SPOCK1: variants seen among roughly 807,000 people sequenced by gnomAD.
SPOCK1 encodes SPARC (osteonectin), cwcv and kazal like domains proteoglycan 1, also known as testican-1.
Under a neutral mutation model 55.3 loss-of-function variants are expected in SPOCK1, and 23 were observed. The observed-to-expected ratio is 0.42, with a 90% CI of 0.30 to 0.59. The LOEUF is 0.59. Among genes scored for constraint, SPOCK1 ranks in the 20% least tolerant of loss-of-function variants. The pLI, the probability that SPOCK1 is intolerant of heterozygous loss-of-function variation, is 0.22. For missense variants in SPOCK1, 499 were observed against 552.5 expected (o/e 0.90, Z 0.97); for synonymous variants, 226 against 221.0 (o/e 1.02, Z -0.20).
In SPOCK1 at chr5:136,978,826, G is replaced by A. The variant is rs1750669122; in HGVS notation, c.1148C>T (p.Ser383Leu). ...AVSCEEEQETSGDFGSGGSVV... is the reference protein window; with the variant it reads ...AVSCEEEQETLGDFGSGGSVV... ...GGACCCACCACTGCCAAAATCCCCT[G>A]AGGTTTCCTGCTCCTCTTCTGAAAG... Residue 383 changes from serine (S) to leucine (L), a missense_variant, in exon 11 of 11, where the codon TCA (serine) becomes TTA (leucine). Transcript: ENST00000394945. The A allele has an allele frequency of 5.0e-6, 8 of 1,611,232 alleles. No homozygotes were observed. Among genetic ancestry groups the A allele is most frequent in the South Asian group, 1.1e-5 (1 of 90,496 alleles).
chr5:137,252,912 G>A (rs1041845671), intron 3 of SPOCK1, among the ~76,000 whole-genome samples: 8 of 152,104 alleles, frequency 5.3e-5, no homozygotes, highest in Non-Finnish European at 7.3e-5. Flanking sequence ...GTAGGGACAC[G>A]CATAGGAACT....
intron 4 of SPOCK1, among the ~76,000 whole-genome samples, chr5:137,138,490 TACACACACAAACATACACAC>T (rs1754031089): frequency 1.1e-5 from 1 of 92,016 alleles, no homozygotes; most frequent in African/African-American, 3.9e-5. Flanking sequence ...CTCTCCATCT[TACACACACAAACATACACAC>T]ACACACACAC....
chr5:136,994,282 C>G (rs1751001732), intron 6 of SPOCK1, among the ~76,000 whole-genome samples: 1 of 152,118 alleles, frequency 6.6e-6, no homozygotes, highest in Admixed American at 6.5e-5. Context: ...AAAACACCAG[C>G]CAGGAAACAA....
At chr5:137,351,788 A>G (rs1029308582) in intron 2 of SPOCK1, among the ~76,000 whole-genome samples, 2 of 152,202 alleles carry the variant, frequency 1.3e-5, no homozygotes, top group African/African-American at 4.8e-5. Flanking sequence ...AGGACACATA[A>G]TGTTGTCATA....
intron 2 of SPOCK1, among the ~76,000 whole-genome samples, chr5:137,392,504 T>C (rs1039149651): frequency 6.6e-6 from 1 of 152,180 alleles, no homozygotes; most frequent in African/African-American, 2.4e-5. Context: ...CTCCCAGGGG[T>C]GATCTCTGGA....
intron 2 of SPOCK1, among the ~76,000 whole-genome samples, chr5:137,304,392 C>T (rs1358321872): frequency 6.6e-6 from 1 of 152,166 alleles, no homozygotes; most frequent in Non-Finnish European, 1.5e-5. Context: ...GCTGCTTTTC[C>T]TCTCAGGCTT....
chr5:137,093,590 A>G (rs1157584782), intron 5 of SPOCK1, among the ~76,000 whole-genome samples: 1 of 152,230 alleles, frequency 6.6e-6, no homozygotes, highest in African/African-American at 2.4e-5. Flanking sequence ...GCAATAGGCC[A>G]GAAAGTAATG....
At chr5:137,276,684 G>A (rs1757073630) in intron 2 of SPOCK1, among the ~76,000 whole-genome samples, 1 of 152,194 alleles carries the variant, frequency 6.6e-6, no homozygotes, top group Non-Finnish European at 1.5e-5. Context: ...ATGACCTGGA[G>A]GTTTCTGAGG....
intron 2 of SPOCK1, among the ~76,000 whole-genome samples, chr5:137,403,700 G>A (rs1239422964): frequency 6.6e-6 from 1 of 151,882 alleles, no homozygotes; most frequent in African/African-American, 2.4e-5. Context: ...AGGCAGCACG[G>A]GCACAGGAAC....
chr5:137,288,473 T>C (rs1757307724), intron 2 of SPOCK1, among the ~76,000 whole-genome samples: 1 of 152,202 alleles, frequency 6.6e-6, no homozygotes, highest in Admixed American at 6.5e-5. Flanking sequence ...CAGCCAATTC[T>C]CACTCTCTAC....
intron 2 of SPOCK1, among the ~76,000 whole-genome samples, chr5:137,415,407 C>G (rs891124378): frequency 3.3e-5 from 5 of 152,182 alleles, no homozygotes; most frequent in African/African-American, 1.2e-4. Context: ...GGTTAAGAAG[C>G]ATACTGTGAG....
At chr5:137,206,916 C>T (rs1223989442) in intron 3 of SPOCK1, among the ~76,000 whole-genome samples, 2 of 152,098 alleles carry the variant, frequency 1.3e-5, no homozygotes, top group Admixed American at 6.5e-5. Context: ...CAAAGGGACA[C>T]GATGATGATG....
chr5:137,278,470 G>A (rs895146357), intron 2 of SPOCK1, among the ~76,000 whole-genome samples: 6 of 152,158 alleles, frequency 3.9e-5, no homozygotes, highest in African/African-American at 1.4e-4. Context: ...CACCAACAAG[G>A]CTTCCATGGA....
At chr5:137,151,751 C>T (rs1754322462) in intron 3 of SPOCK1, among the ~76,000 whole-genome samples, 1 of 152,180 alleles carries the variant, frequency 6.6e-6, no homozygotes, top group African/African-American at 2.4e-5. Flanking sequence ...AGAGAACTGA[C>T]TCTGCAAAGT....
rs1004824390 is a variant in SPOCK1 at position 136,977,974 on chromosome 5, C to T, written c.*680G>A. 1 of 398,742 alleles carries T rather than the reference C, an allele frequency of 2.5e-6. No individual in the cohort carries two copies. The highest frequency in any genetic ancestry group is 4.4e-6 in the Non-Finnish European group (1 of 226,032). The allele number at this position is 398,742 out of a possible 1,614,324, so 24.7% of individuals were successfully genotyped here. Reference sequence around the variant, plus strand: ...GAGGTATGGGTGTGTGTGCAAGGCACACACATACAGTCTTTCTGTACATGC... The same window carrying T: ...GAGGTATGGGTGTGTGTGCAAGGCATACACATACAGTCTTTCTGTACATGC... On this transcript the variant is annotated 3_prime_UTR_variant, in exon 11 of 11. Coordinates refer to ENST00000394945, the MANE Select transcript of SPOCK1 (RefSeq NM_004598.4).
At chr5:137,180,704 A>G (rs930637282) in intron 3 of SPOCK1, among the ~76,000 whole-genome samples, 1 of 152,176 alleles carries the variant, frequency 6.6e-6, no homozygotes, top group Non-Finnish European at 1.5e-5. Context: ...AGCCAATTCT[A>G]GAATATTCAG....
Position 137,473,402 on chromosome 5 carries a change from A to G in SPOCK1, c.186+24971T>C, listed in dbSNP as rs187140235. 3.7e-3 allele frequency among the ~76,000 whole-genome samples: 562 copies of G among 152,314 alleles called. 23 individuals carry two copies. The highest frequency in any genetic ancestry group is 0.034 in the Admixed American group (522 of 15,308). ...TATACACATGAGAGAGTAGGAAACA[A>G]AAACATACGAATATACATCCTTGTT... is the stretch of plus-strand genomic sequence containing the variant. On this transcript the variant is annotated intron_variant, in intron 2 of 10. Transcript: ENST00000394945.
chr5:137,217,869 A>G (rs1755750890), intron 3 of SPOCK1, among the ~76,000 whole-genome samples: 1 of 152,190 alleles, frequency 6.6e-6, no homozygotes, highest in Non-Finnish European at 1.5e-5. Context: ...ACAAGCGGGA[A>G]TAGAAATCAG....
intron 4 of SPOCK1, among the ~76,000 whole-genome samples, chr5:137,116,501 C>T (rs1753583013): frequency 6.6e-6 from 1 of 151,914 alleles, no homozygotes; most frequent in African/African-American, 2.4e-5. Context: ...AAAAAATTAG[C>T]TGGCTGTGGT....
Sources: allele counts gnomAD v4.1 joint callset (sites outside exome capture counted in the v4.1 genomes callset), GRCh38; gene constraint gnomAD v4.1.1; transcripts MANE v1.5; gene names NCBI Gene and HGNC (gene_info 2026-07-23, HGNC 2026-07-21).